Variants in IL1RAPL2 observed in about 807,000 individuals in gnomAD.
IL1RAPL2 encodes interleukin 1 receptor accessory protein like 2, also known as X-linked interleukin-1 receptor accessory protein-like 2.
Under a neutral mutation model 44.1 loss-of-function variants are expected in IL1RAPL2, and 3 were observed. That is an observed-to-expected ratio of 0.07 (90% CI 0.03 to 0.18). The LOEUF is 0.18. Ranked by LOEUF, IL1RAPL2 falls within the 10% of genes least tolerant of loss-of-function variation. The pLI is 1.00. For missense variants in IL1RAPL2, 391 were observed against 496.4 expected (o/e 0.79, Z 2.02); for synonymous variants, 181 against 178.8 (o/e 1.01, Z -0.10).
rs1476340652 is a variant in IL1RAPL2 at position 105,174,782 on chromosome X, G to T, written c.83-20693G>T. 2.7e-5 allele frequency among the ~76,000 whole-genome samples: 3 copies of T among 111,547 alleles called. No individual in the cohort carries two copies. In the Admixed American group the frequency reaches 2.9e-4, roughly 11 times the overall value. On this transcript the variant is annotated intron_variant, in intron 2 of 10. Coordinates refer to ENST00000372582, the MANE Select transcript of IL1RAPL2 (RefSeq NM_017416.2). The stretch of plus-strand genomic sequence containing the variant: ...CGCTCTGGCTGAGTCCCGAACATCA[G>T]CACCTTCAATGTCACCCACTGCTGG...
At chrX:105,039,866 C>A (rs148795284) in intron 2 of IL1RAPL2, among the ~76,000 whole-genome samples, 4,511 of 110,722 alleles carry the variant, frequency 0.041, 255 homozygotes, top group African/African-American at 0.14. Flanking sequence ...ATTGAGTACC[C>A]TTTATTTCCT....
intron 1 of IL1RAPL2, among the ~76,000 whole-genome samples, chrX:104,589,995 A>G (rs1928633033): frequency 8.9e-6 from 1 of 111,769 alleles, no homozygotes; most frequent in Non-Finnish European, 1.9e-5. Flanking sequence ...TCTAATTAAT[A>G]TAATAGTTAC....
At chrX:104,789,314 T>C (rs1265071903) in intron 2 of IL1RAPL2, among the ~76,000 whole-genome samples, 1 of 111,530 alleles carries the variant, frequency 9.0e-6, no homozygotes, top group Admixed American at 9.5e-5. Flanking sequence ...CTTCAAGTAG[T>C]CTCCAGTGTC....
chrX:105,405,875 G>A (rs950389619), intron 5 of IL1RAPL2: 27 of 1,164,723 alleles, frequency 2.3e-5, no homozygotes, highest in Middle Eastern at 3.1e-4. Flanking sequence ...CCACCAGTGT[G>A]TATAATGGGA....
chrX:104,932,501 A>G (rs190317908), intron 2 of IL1RAPL2, among the ~76,000 whole-genome samples: 171 of 111,410 alleles, frequency 1.5e-3, no homozygotes, highest in African/African-American at 5.4e-3. Context: ...TCAATCTATA[A>G]TTCCAGTTTC....
At chrX:105,369,478 G>C (rs988116925) in intron 5 of IL1RAPL2, among the ~76,000 whole-genome samples, 23 of 111,325 alleles carry the variant, frequency 2.1e-4, no homozygotes, top group African/African-American at 6.2e-4. Flanking sequence ...AGCTGGAGAG[G>C]TTGGGGTGTT....
chrX:104,678,530 G>A (rs933910205), intron 2 of IL1RAPL2, among the ~76,000 whole-genome samples: 1 of 111,623 alleles, frequency 9.0e-6, no homozygotes, highest in African/African-American at 3.3e-5. Flanking sequence ...TTTGTTCAAA[G>A]TCGAGTCTCC....
chrX:105,366,114 A>AT, intron 5 of IL1RAPL2, among the ~76,000 whole-genome samples: 1 of 110,390 alleles, frequency 9.1e-6, no homozygotes, highest in Middle Eastern at 4.6e-3. Flanking sequence ...CGCCTGGCTA[A>AT]TTTTTGTATT....
intron 2 of IL1RAPL2, among the ~76,000 whole-genome samples, chrX:105,110,841 G>T (rs1442046101): frequency 1.8e-5 from 2 of 111,098 alleles, no homozygotes; most frequent in Non-Finnish European, 3.8e-5. Context: ...GGAGGCCAAG[G>T]CAGGAGAACC....
At chrX:104,632,638 C>T (rs1360082279) in intron 1 of IL1RAPL2, among the ~76,000 whole-genome samples, 1 of 107,101 alleles carries the variant, frequency 9.3e-6, no homozygotes, top group Admixed American at 1.0e-4. Flanking sequence ...ATTTGGCTCT[C>T]TGTTTGTCTG....
intron 1 of IL1RAPL2, among the ~76,000 whole-genome samples, chrX:104,594,194 A>G (rs1928721235): frequency 8.9e-6 from 1 of 112,121 alleles, no homozygotes; most frequent in African/African-American, 3.2e-5. Flanking sequence ...CCTAGAACCT[A>G]GCACAGAGAC....
chrX:104,721,102 A>G (rs966828762), intron 2 of IL1RAPL2, among the ~76,000 whole-genome samples: 1 of 111,600 alleles, frequency 9.0e-6, no homozygotes, highest in Non-Finnish European at 1.9e-5. Context: ...TAGCTTAACC[A>G]CTGTGGGAGA....
At position 105,343,707 on chromosome X, in the gene IL1RAPL2, G is replaced by A. The variant is rs182227431; in HGVS notation, c.697+76166G>A. Among the ~76,000 whole-genome samples the A allele has an allele frequency of 3.9e-4, 43 of 111,421 alleles. No individual in the cohort carries two copies. The East Asian group carries it at 0.012, about 31-fold the overall frequency. Reference sequence around the variant, plus strand: ...TGGGTCAAAGAACATAGCTCTTTTAGCGAATTATATTACAGTTTGATTTTG... The same window carrying A: ...TGGGTCAAAGAACATAGCTCTTTTAACGAATTATATTACAGTTTGATTTTG... On this transcript the variant is annotated intron_variant, in intron 5 of 10. Transcript: ENST00000372582.
chrX:105,767,685 C>T lies in IL1RAPL2; in HGVS notation c.*24C>T, dbSNP rs375370844. ...AGTGAAAAATCTGAATTCCTCTGAACAGCTAGATAAGCATAGAGAATTTCT... is the reference window on the plus strand; with the variant it reads ...AGTGAAAAATCTGAATTCCTCTGAATAGCTAGATAAGCATAGAGAATTTCT... On this transcript the variant is annotated 3_prime_UTR_variant, in exon 11 of 11. Coordinates refer to ENST00000372582, the MANE Select transcript of IL1RAPL2 (RefSeq NM_017416.2). The T allele has an allele frequency of 7.6e-6, 8 of 1,047,105 alleles. No individual in the cohort carries two copies. Among genetic ancestry groups the T allele is most frequent in the Non-Finnish European group, 1.1e-5 (8 of 752,063 alleles). 86.3% of individuals were successfully genotyped at this position (1,047,105 alleles called of 1,213,427 possible).
At chrX:104,838,333 C>T (rs190201580) in intron 2 of IL1RAPL2, among the ~76,000 whole-genome samples, 23 of 111,769 alleles carry the variant, frequency 2.1e-4, no homozygotes, top group African/African-American at 2.9e-4. Flanking sequence ...GTCATTTTCA[C>T]GATATTGATT....
intron 2 of IL1RAPL2, among the ~76,000 whole-genome samples, chrX:105,088,581 C>T (rs745482002): frequency 9.0e-5 from 10 of 110,741 alleles, no homozygotes; most frequent in Non-Finnish European, 1.5e-4. Context: ...GGCAGGCTAT[C>T]GGTTATGCTA....
chrX:104,760,801 C>T (rs1389025327), intron 2 of IL1RAPL2, among the ~76,000 whole-genome samples: 1 of 111,233 alleles, frequency 9.0e-6, no homozygotes, highest in Non-Finnish European at 1.9e-5. Context: ...CCATTTGTCC[C>T]TATTTGATTT....
chrX:104,780,507 G>T (rs1344600903), intron 2 of IL1RAPL2, among the ~76,000 whole-genome samples: 1 of 111,898 alleles, frequency 8.9e-6, no homozygotes, highest in East Asian at 2.8e-4. Context: ...AGGCTCTGTG[G>T]GCTGCCACGT....
intron 6 of IL1RAPL2, among the ~76,000 whole-genome samples, chrX:105,545,870 T>C (rs1164780994): frequency 6.3e-5 from 7 of 111,961 alleles, no homozygotes; most frequent in African/African-American, 1.9e-4. Context: ...TATGTTACCA[T>C]GTGTGCAGCC....
Sources: gnomAD v4.1 joint callset for allele counts (sites outside exome capture counted in the v4.1 genomes callset) on GRCh38, gnomAD v4.1.1 for gene constraint, MANE v1.5 for transcripts, NCBI Gene and HGNC (gene_info 2026-07-23, HGNC 2026-07-21) for gene names.